The following RNF213 variants were observed in gnomAD, a reference collection of about 807,000 sequenced individuals.
RNF213 encodes ring finger protein 213.
RNF213 carries 341 observed loss-of-function variants against 514.4 expected under a neutral mutation model. The ratio of observed to expected loss-of-function variants is 0.66; its 90% CI spans 0.61 to 0.73. The LOEUF (loss-of-function observed/expected upper bound fraction) is 0.73, where lower values mean the gene tolerates loss of function less well. Ranked by LOEUF, RNF213 falls within the 30% of genes least tolerant of loss-of-function variation. The pLI is 0.00. For synonymous variants in RNF213, 2,655 were observed against 2,658.2 expected (o/e 1.00, Z 0.04); for missense variants, 5,767 against 6,615.6 (o/e 0.87, Z 4.45).
rs937803530 is a variant in RNF213 at position 80,338,517 on chromosome 17, C to T, written c.4833+520C>T. Among the ~76,000 whole-genome samples the T allele has an allele frequency of 3.3e-5, 5 of 152,112 alleles. No individual in the cohort carries two copies. The South Asian group carries it at 8.3e-4, about 25-fold the overall frequency. Reference sequence around the variant, plus strand: ...CCTTTATCTCTGCTGGGTGCAGTGGCTCACACCTGTAAAGCCAGCACTTTG... The same window carrying T: ...CCTTTATCTCTGCTGGGTGCAGTGGTTCACACCTGTAAAGCCAGCACTTTG... On this transcript the variant is annotated intron_variant, in intron 25 of 67. Transcript: ENST00000582970.
intron 20 of RNF213, 38 bp downstream of exon 20, chr17:80,328,515 C>T (rs1008035365): frequency 6.5e-7 from 1 of 1,535,264 alleles, no homozygotes; most frequent in Non-Finnish European, 8.7e-7. Context: ...TGAGGGCTCT[C>T]AAAGGGTTAG....
chr17:80,367,607 C>G (rs1361844608), intron 42 of RNF213, 141 bp from the exon 43 acceptor site: 4 of 677,896 alleles, frequency 5.9e-6, no homozygotes, highest in Non-Finnish European at 1.1e-5. Context: ...GCGTTAAACA[C>G]AGGATCACAA....
At chr17:80,350,757 C>T (rs944695672) in intron 31 of RNF213, among the ~76,000 whole-genome samples, 5 of 152,230 alleles carry the variant, frequency 3.3e-5, no homozygotes. Context: ...TGCGATCCCA[C>T]CACTGCAGTC....
At chr17:80,322,292 C>T (rs568793135) in intron 17 of RNF213, among the ~76,000 whole-genome samples, 3 of 151,252 alleles carry the variant, frequency 2.0e-5, no homozygotes, top group Admixed American at 1.3e-4. Context: ...TCCCGAGTAG[C>T]AGGGACTACA....
In RNF213 at chr17:80,386,354, G is replaced by A. The variant is rs749632958; in HGVS notation, c.14644G>A (p.Ala4882Thr). 9 of 1,614,082 alleles carry A rather than the reference G, an allele frequency of 5.6e-6. No individual in the cohort carries two copies. The highest frequency in any genetic ancestry group is 1.3e-5 in the African/African-American group (1 of 75,032). The change falls in exon 62 of 68, where the codon GCT becomes ACT. Residue 4882 changes from alanine to threonine, a missense_variant. Physicochemically the swap from Ala to Thr is moderately conservative, Grantham distance 58. Transcript: ENST00000582970. ...ACGGGGCCTGGGCCTCTGTGCTACCGCTCTCGTCAGCTACTTGATTCGCCT... is the reference window on the plus strand; with the variant it reads ...ACGGGGCCTGGGCCTCTGTGCTACCACTCTCGTCAGCTACTTGATTCGCCT... ...RRRGLGLCAT[A>T]LVSYLIRLHN... is the part of the protein sequence containing the mutation.
chr17:80,310,675 C>A (rs2143641731), intron 14 of RNF213, among the ~76,000 whole-genome samples: 1 of 152,260 alleles, frequency 6.6e-6, no homozygotes, highest in South Asian at 2.1e-4. Flanking sequence ...GCCTCAGCCT[C>A]CCGAGTAGCT....
Position 80,307,137 on chromosome 17 carries a change from G to A in RNF213, c.2437G>A (p.Asp813Asn), listed in dbSNP as rs769221609. ...EQVLNTQDVQ[D>N]VQNVQNILEM... ...TTTTTCTCTGCCTTAGGATGTTCAG[G>A]ATGTTCAGAACGTTCAGAACATTTT... is the stretch of plus-strand genomic sequence containing the variant. The change falls in exon 13 of 68, where the codon GAT becomes AAT. Residue 813 changes from aspartate to asparagine, a missense_variant. This residue lies in a region of RNF213 where 592 missense variants were observed against 673.9 expected (regional missense o/e 0.88). Transcript: ENST00000582970. The A allele has an allele frequency of 1.4e-4, 229 of 1,613,452 alleles. No homozygotes were observed. The highest frequency in any genetic ancestry group is 1.9e-4 in the Non-Finnish European group (228 of 1,179,738).
chr17:80,375,919 GA>G, intron 51 of RNF213, 49 bp downstream of exon 51: 1 of 1,275,068 alleles, frequency 7.8e-7, no homozygotes, highest in Admixed American at 1.7e-5. Context: ...TATTTGGAGG[GA>G]TTTTATTGAA....
chr17:80,370,228 C>T (rs1351138595), intron 46 of RNF213, among the ~76,000 whole-genome samples: 2 of 152,136 alleles, frequency 1.3e-5, no homozygotes, highest in South Asian at 2.1e-4. Context: ...ATCCTGCTCA[C>T]CCTGAATGTC....
At chr17:80,319,339 G>T (rs147895650) in intron 17 of RNF213, 27 bp downstream of exon 17, 2 of 1,614,072 alleles carry the variant, frequency 1.2e-6, no homozygotes, top group Non-Finnish European at 1.7e-6. Flanking sequence ...CCTGGGAAAC[G>T]GATTCGGGCT....
At position 80,345,278 on chromosome 17, in the gene RNF213, A is replaced by G. The variant is rs764602231; in HGVS notation, c.6943A>G (p.Met2315Val). 5.0e-6 allele frequency: 8 copies of G among 1,613,976 alleles called. No individual in the cohort carries two copies. In the Admixed American group the frequency reaches 1.0e-4, roughly 20 times the overall value. The change falls in exon 29 of 68, where the codon ATG becomes GTG. Residue 2315 changes from methionine (M) to valine (V), a missense_variant. Physicochemically the swap from Met to Val is conservative, Grantham distance 21. This residue lies in a region of RNF213 where 1,377 missense variants were observed against 1,635.2 expected (regional missense o/e 0.84). Coordinates refer to ENST00000582970, the MANE Select transcript of RNF213 (RefSeq NM_001256071.3). This position sits in a 1 kb window ranked among gnomAD's most constrained non-coding sequence, Gnocchi z 6.0. ...TTTCTTCAATGACGACCACACAACCATGACATTCATCGGCTTCCATCTGCA... is the reference window on the plus strand; with the variant it reads ...TTTCTTCAATGACGACCACACAACCGTGACATTCATCGGCTTCCATCTGCA... ...YVFFNDDHTT[M>V]TFIGFHLQPN...
rs750893752 is a variant in RNF213, at chr17:80,337,820, A to G, written c.4669-13A>G. ...GCCCCAAGAAAGTGACTTCTAACCT[A>G]TGCTCTTCACAGATTTCCCCAGACA... is the stretch of plus-strand genomic sequence containing the variant. On this transcript the variant is annotated splice_polypyrimidine_tract_variant and intron_variant, in intron 24 of 67. Transcript: ENST00000582970. 7.2e-5 allele frequency: 110 copies of G among 1,536,764 alleles called. 1 individual carries two copies. The highest frequency in any genetic ancestry group is 2.4e-5 in the South Asian group (2 of 84,062).
rs1346230977 is a variant in RNF213 at position 80,287,981 on chromosome 17, C to A, written c.428C>A (p.Pro143His). Residue 143 changes from proline to histidine, a missense_variant, in exon 4 of 68, where the codon CCC becomes CAC. Coordinates refer to ENST00000582970, the MANE Select transcript of RNF213 (RefSeq NM_001256071.3). The part of the protein sequence containing the change: ...LPHSQAQQSG[P>H]TGQPSQPPGT... ...CACAGCCAAGCCCAGCAGAGTGGCC[C>A]CACTGGCCAGCCGAGCCAGCCCCCA... 1.3e-6 allele frequency: 2 copies of A among 1,577,824 alleles called. No individual in the cohort carries two copies. Among genetic ancestry groups the A allele is most frequent in the East Asian group, 2.3e-5 (1 of 42,852 alleles).
In RNF213 at chr17:80,358,449, T is replaced by G. The variant is rs758746223; in HGVS notation, c.11024T>G (p.Leu3675Arg). The G allele has an allele frequency of 6.2e-7, 1 of 1,614,180 alleles. No homozygotes were observed. Among genetic ancestry groups the G allele is most frequent in the South Asian group, 1.1e-5 (1 of 91,076 alleles). ...WMFIFSDTML[L>R]NIPLVMNNER... ...TTTATTTTCAGTGACACGATGCTTCTGAACATTCCTCTTGTGATGAATAAT... is the reference window on the plus strand; with the variant it reads ...TTTATTTTCAGTGACACGATGCTTCGGAACATTCCTCTTGTGATGAATAAT... Residue 3675 changes from leucine to arginine, a missense_variant, in exon 37 of 68, where the codon CTG becomes CGG. Coordinates refer to ENST00000582970, the MANE Select transcript of RNF213 (RefSeq NM_001256071.3).
chr17:80,295,407 T>C lies in RNF213; in HGVS notation c.1756-150T>C. 4.1e-6 allele frequency: 4 copies of C among 984,466 alleles called. 1 individual carries two copies. In the South Asian group the frequency reaches 5.7e-5, roughly 14 times the overall value. 61.0% of individuals were successfully genotyped at this position (984,466 alleles called of 1,614,324 possible). A position where few individuals can be genotyped will look rare whatever the true frequency, so the allele number is the denominator to read the frequency against. On this transcript the variant is annotated intron_variant, in intron 9 of 67. Transcript: ENST00000582970. ...TGAGCCCTCATGCCAGGGTCTTGGC[T>C]GCACTGCAGCTCCTCCTGTGGCTCT...
In RNF213 at chr17:80,348,120, C is replaced by T; in HGVS notation, c.9785C>T (p.Ala3262Val). 6.2e-7 allele frequency: 1 copy of T among 1,614,126 alleles called. No homozygotes were observed. Among genetic ancestry groups the T allele is most frequent in the Non-Finnish European group, 8.5e-7 (1 of 1,180,050 alleles). Residue 3262 changes from alanine to valine, a missense_variant, in exon 29 of 68, where the codon GCT (alanine) becomes GTT (valine). By Grantham distance (64) the Ala-to-Val change is moderately conservative. Coordinates refer to ENST00000582970, the MANE Select transcript of RNF213 (RefSeq NM_001256071.3). ...GCCAAATCGATCCTGCTGAACTGCG[C>T]TACGCCCGATGCCGTGGTCCGGCTG... ...EEAKSILLNCATPDAVVRLSA... is the reference protein window; with the variant it reads ...EEAKSILLNCVTPDAVVRLSA...
chr17:80,279,373 C>T (rs1323093226), intron 3 of RNF213, among the ~76,000 whole-genome samples: 3 of 152,124 alleles, frequency 2.0e-5, no homozygotes, highest in Non-Finnish European at 4.4e-5. Context: ...GGATGGCGCT[C>T]GCCACGTGGG....
intron 67 of RNF213, among the ~76,000 whole-genome samples, chr17:80,392,898 T>C (rs2080537086): frequency 6.6e-6 from 1 of 152,054 alleles, no homozygotes; most frequent in Non-Finnish European, 1.5e-5. Context: ...CCTAGGATTT[T>C]AAGTCTTAAC....
chr17:80,374,337 A>C, intron 49 of RNF213, 121 bp from the exon 50 acceptor site: 1 of 1,315,434 alleles, frequency 7.6e-7, no homozygotes. Context: ...AGGTCAGGGA[A>C]TCCCAGCTTG....
Sources: allele counts gnomAD v4.1 joint callset (sites outside exome capture counted in the v4.1 genomes callset), GRCh38; gene constraint gnomAD v4.1.1; regional missense constraint gnomAD v4.1.1; non-coding constraint Gnocchi (gnomAD v3.1); transcripts MANE v1.5; gene names NCBI Gene and HGNC (gene_info 2026-07-23, HGNC 2026-07-21).